VPS13B: variants seen among roughly 807,000 people sequenced by gnomAD.
The protein encoded by VPS13B is vacuolar protein sorting 13 homolog B, also known as intermembrane lipid transfer protein VPS13B.
In VPS13B, 285 loss-of-function variants were observed where a neutral mutation model predicts 426.4. The observed-to-expected ratio is 0.67, with a 90% CI of 0.61 to 0.74. The LOEUF (loss-of-function observed/expected upper bound fraction) is 0.74, where lower values mean the gene tolerates loss of function less well. Ranked by LOEUF, VPS13B falls within the 30% of genes least tolerant of loss-of-function variation. The probability of loss-of-function intolerance (pLI) is 0.00; values close to 1 mark genes in which losing one functional copy is unlikely to be tolerated. For missense variants in VPS13B, 4,537 were observed against 4,782.6 expected, an observed-to-expected ratio of 0.95 and a Z score of 1.51; for synonymous variants, 1,676 against 1,676.4, an observed-to-expected ratio of 1.00 and a Z score of 0.01.
At chr8:99,661,563 T>C in intron 35 of VPS13B, 72 bp downstream of exon 35, 1 of 1,550,648 alleles carries the variant, frequency 6.4e-7, no homozygotes, top group South Asian at 1.1e-5. Flanking sequence ...ATAGGATCTG[T>C]TAGTAATCTT....
chr8:99,646,924 T>A (rs998767013), intron 34 of VPS13B, among the ~76,000 whole-genome samples: 3 of 152,168 alleles, frequency 2.0e-5, no homozygotes, highest in African/African-American at 7.2e-5. Context: ...TAGTGCAGTG[T>A]ACCGCCTGCA....
At chr8:99,532,996 G>A (rs1427043988) in intron 30 of VPS13B, among the ~76,000 whole-genome samples, 5 of 147,080 alleles carry the variant, frequency 3.4e-5, no homozygotes, top group African/African-American at 1.3e-4. Flanking sequence ...CTGGAGTGCA[G>A]TGGTGCAATC....
intron 30 of VPS13B, among the ~76,000 whole-genome samples, chr8:99,541,261 T>A (rs1311638365): frequency 6.6e-6 from 1 of 152,190 alleles, no homozygotes; most frequent in African/African-American, 2.4e-5. Flanking sequence ...CTGACTAAAG[T>A]CAACCCTATG....
rs539795302 is a variant in VPS13B, at chr8:99,369,084, C to T, written c.2825-15124C>T. Among the ~76,000 whole-genome samples the T allele has an allele frequency of 2.6e-5, 4 of 152,250 alleles. No homozygotes were observed. In the South Asian group the frequency reaches 8.3e-4, roughly 32 times the overall value. ...TGTCCCTTTTCCTTTCATTGTGAGG[C>T]ATGTTAACCCTACCCTTTCCATAGT... On this transcript the variant is annotated intron_variant, in intron 19 of 61. Transcript: ENST00000357162.
At chr8:99,218,713 G>C (rs576959082) in intron 17 of VPS13B, among the ~76,000 whole-genome samples, 2 of 152,320 alleles carry the variant, frequency 1.3e-5, no homozygotes, top group East Asian at 3.9e-4. Context: ...GAGGGAGTCA[G>C]CTGATCAGAA....
At chr8:99,170,505 A>G (rs1812269292) in intron 16 of VPS13B, among the ~76,000 whole-genome samples, 1 of 151,924 alleles carries the variant, frequency 6.6e-6, no homozygotes, top group South Asian at 2.1e-4. Flanking sequence ...TTATAAATTA[A>G]TATTCAAGAC....
intron 42 of VPS13B, 63 bp from the exon 43 acceptor site, chr8:99,784,252 C>G (rs1424726260): frequency 1.2e-6 from 2 of 1,605,896 alleles, no homozygotes; most frequent in African/African-American, 1.3e-5. Context: ...ACTGGGCAGA[C>G]AGCTGCCAAA....
At chr8:99,366,992 G>C (rs1812926957) in intron 19 of VPS13B, among the ~76,000 whole-genome samples, 1 of 152,048 alleles carries the variant, frequency 6.6e-6, no homozygotes, top group South Asian at 2.1e-4. Context: ...TATTGTCCTA[G>C]ATTGGTTCAT....
chr8:99,543,748 C>G (rs555539678), intron 30 of VPS13B, among the ~76,000 whole-genome samples: 3,552 of 151,236 alleles, frequency 0.023, 117 homozygotes, highest in African/African-American at 0.08. Context: ...AAATGCAAAT[C>G]AAAACCACAA....
At chr8:99,615,595 T>G (rs1019375732) in intron 33 of VPS13B, among the ~76,000 whole-genome samples, 1 of 152,230 alleles carries the variant, frequency 6.6e-6, no homozygotes, top group Non-Finnish European at 1.5e-5. Context: ...AAGTGTATGC[T>G]TAAATATGTT....
intron 33 of VPS13B, among the ~76,000 whole-genome samples, chr8:99,599,790 G>A (rs16897489): frequency 0.13 from 20,141 of 151,962 alleles, 1,908 homozygotes; most frequent in East Asian, 0.39. Flanking sequence ...AAACACCATG[G>A]CTTAAACCCC....
At chr8:99,648,586 T>A (rs1045717697) in intron 34 of VPS13B, among the ~76,000 whole-genome samples, 2 of 152,210 alleles carry the variant, frequency 1.3e-5, no homozygotes, top group East Asian at 1.9e-4. Context: ...TGTCTAATCA[T>A]TCACACTCTA....
intron 30 of VPS13B, among the ~76,000 whole-genome samples, chr8:99,540,376 G>A (rs1235391217): frequency 4.0e-5 from 6 of 151,526 alleles, no homozygotes; most frequent in South Asian, 2.1e-4. Flanking sequence ...TACTGCGCCC[G>A]GCCTAAGCAT....
chr8:99,329,406 C>G (rs555317866), intron 19 of VPS13B, among the ~76,000 whole-genome samples: 1 of 152,088 alleles, frequency 6.6e-6, no homozygotes, highest in East Asian at 1.9e-4. Context: ...TATGGAAGAA[C>G]ATTGTGGTCT....
intron 33 of VPS13B, among the ~76,000 whole-genome samples, chr8:99,607,696 C>G (rs1827659079): frequency 6.6e-6 from 1 of 152,066 alleles, no homozygotes; most frequent in Non-Finnish European, 1.5e-5. Context: ...AACTTGAGGA[C>G]CACAGGGAAC....
intron 19 of VPS13B, among the ~76,000 whole-genome samples, chr8:99,336,720 C>A (rs1360938262): frequency 6.6e-6 from 1 of 152,204 alleles, no homozygotes; most frequent in African/African-American, 2.4e-5. Context: ...ACAGACACTT[C>A]TCAAAAGAAG....
chr8:99,654,197 C>T (rs1248418665), intron 34 of VPS13B, among the ~76,000 whole-genome samples: 3 of 151,994 alleles, frequency 2.0e-5, no homozygotes, highest in South Asian at 4.2e-4. Flanking sequence ...TATAGGCGCC[C>T]GCCACCACGC....
chr8:99,823,763 G>A (rs1459339394), intron 50 of VPS13B, 69 bp from the exon 51 acceptor site: 42 of 1,517,412 alleles, frequency 2.8e-5, no homozygotes, highest in Non-Finnish European at 4.5e-6. Context: ...TAACCTTTTA[G>A]GAATACTCAA....
chr8:99,559,985 A>G (rs1423150714), intron 31 of VPS13B, among the ~76,000 whole-genome samples: 1 of 152,048 alleles, frequency 6.6e-6, no homozygotes, highest in African/African-American at 2.4e-5. Flanking sequence ...TGAATCTATA[A>G]ATTACCTTGG....
Sources: gnomAD v4.1 joint callset for allele counts (sites outside exome capture counted in the v4.1 genomes callset) on GRCh38, gnomAD v4.1.1 for gene constraint, MANE v1.5 for transcripts, NCBI Gene and HGNC (gene_info 2026-07-23, HGNC 2026-07-21) for gene names.